The following RGS21 variants were observed in gnomAD, a reference collection of about 807,000 sequenced individuals.
The protein encoded by RGS21 is regulator of G protein signaling 21.
RGS21 carries 19 observed loss-of-function variants against 18.7 expected under a neutral mutation model. That is an observed-to-expected ratio of 1.01 (90% CI 0.71 to 1.49). The LOEUF (loss-of-function observed/expected upper bound fraction) is 1.49. Ranked by LOEUF, RGS21 falls within the 40% of genes most tolerant of loss-of-function variation. The pLI is 0.00. For missense variants in RGS21, 194 were observed against 176.8 expected, an observed-to-expected ratio of 1.10 and a Z score of -0.55; for synonymous variants, 56 against 57.8, an observed-to-expected ratio of 0.97 and a Z score of 0.14.
At chr1:192,333,200 G>A (rs565616357) in intron 1 of RGS21, among the ~76,000 whole-genome samples, 3 of 151,642 alleles carry the variant, frequency 2.0e-5, no homozygotes, top group African/African-American at 7.3e-5. Context: ...CAGAAACAGT[G>A]CACCTCTCAT....
At chr1:192,340,372 G>A (rs1012152724) in intron 1 of RGS21, among the ~76,000 whole-genome samples, 6 of 152,098 alleles carry the variant, frequency 3.9e-5, no homozygotes, top group African/African-American at 1.4e-4. Context: ...TGTGAGATAG[G>A]TATTATCAAT....
intron 1 of RGS21, among the ~76,000 whole-genome samples, chr1:192,326,817 A>T (rs1196858020): frequency 1.3e-5 from 2 of 152,164 alleles, no homozygotes; most frequent in African/African-American, 2.4e-5. Flanking sequence ...GAAGGACATA[A>T]ATTGTACTAA....
At chr1:192,362,658 A>C (rs1451873344) in intron 4 of RGS21, among the ~76,000 whole-genome samples, 1 of 152,178 alleles carries the variant, frequency 6.6e-6, no homozygotes, top group Non-Finnish European at 1.5e-5. Context: ...CCTGCTCATC[A>C]CTTAGCTACC....
chr1:192,323,100 T>C (rs1283552490), intron 1 of RGS21, among the ~76,000 whole-genome samples: 1 of 152,152 alleles, frequency 6.6e-6, no homozygotes, highest in Non-Finnish European at 1.5e-5. Flanking sequence ...AAAAGAGACT[T>C]CATTGTATTG....
chr1:192,331,159 C>T (rs938975865), intron 1 of RGS21, among the ~76,000 whole-genome samples: 3 of 152,126 alleles, frequency 2.0e-5, no homozygotes, highest in Non-Finnish European at 4.4e-5. Flanking sequence ...TAATGTCCGG[C>T]TGTATGCAGC....
At chr1:192,322,352 A>G (rs528873143) in intron 1 of RGS21, among the ~76,000 whole-genome samples, 53 of 152,208 alleles carry the variant, frequency 3.5e-4, no homozygotes, top group Non-Finnish European at 1.5e-5. Context: ...CCAGACCAAC[A>G]GGCCCATCAA....
intron 4 of RGS21, among the ~76,000 whole-genome samples, chr1:192,361,699 C>T (rs965886594): frequency 6.6e-6 from 1 of 152,060 alleles, no homozygotes; most frequent in African/African-American, 2.4e-5. Flanking sequence ...ATACCCACCA[C>T]CACGCCTGGC....
intron 4 of RGS21, among the ~76,000 whole-genome samples, chr1:192,358,432 A>G (rs1204495164): frequency 6.6e-6 from 1 of 152,050 alleles, no homozygotes; most frequent in Non-Finnish European, 1.5e-5. Context: ...GCTTTTAATG[A>G]TGCCAAAATG....
At chr1:192,355,499 TA>T (rs1659097885) in intron 4 of RGS21, among the ~76,000 whole-genome samples, 1 of 151,436 alleles carries the variant, frequency 6.6e-6, no homozygotes, top group Non-Finnish European at 1.5e-5. Context: ...GCTCATTGAG[TA>T]AATTTTACCT....
chr1:192,352,224 T>C lies in RGS21; in HGVS notation c.255+11T>C, dbSNP rs1659053124. ...GATGCACCTAAAGAGGTGAGTGAAC[T>C]ACTTCAGAACAGTGAAGAGTCATCC... On this transcript the variant is annotated intron_variant, in intron 4 of 4. Coordinates refer to ENST00000417209, the MANE Select transcript of RGS21 (RefSeq NM_001039152.3). The C allele has an allele frequency of 1.3e-6, 2 of 1,592,904 alleles. No individual in the cohort carries two copies. Among genetic ancestry groups the C allele is most frequent in the East Asian group, 4.5e-5 (2 of 44,326 alleles).
At position 192,353,005 on chromosome 1, in the gene RGS21, A is replaced by G. The variant is rs141277619; in HGVS notation, c.255+792A>G. 6.6e-3 allele frequency among the ~76,000 whole-genome samples: 999 copies of G among 152,118 alleles called. 10 individuals carry two copies. Among genetic ancestry groups the G allele is most frequent in the African/African-American group, 0.022 (919 of 41,556 alleles). ...AGCGTTAATGTATAAGTAACCTACA[A>G]ACAGGAAGCTCCATTAAACTACTAG... On this transcript the variant is annotated intron_variant, in intron 4 of 4. Coordinates refer to ENST00000417209, the MANE Select transcript of RGS21 (RefSeq NM_001039152.3).
intron 1 of RGS21, among the ~76,000 whole-genome samples, chr1:192,327,104 G>A (rs1305437703): frequency 6.6e-6 from 1 of 152,048 alleles, no homozygotes; most frequent in Non-Finnish European, 1.5e-5. Context: ...CTCTTTCAAT[G>A]TGCATCGAAT....
chr1:192,343,481 C>T (rs1571456766), intron 2 of RGS21, among the ~76,000 whole-genome samples: 1 of 152,198 alleles, frequency 6.6e-6, no homozygotes, highest in African/African-American at 2.4e-5. Context: ...CAGCACACTG[C>T]TAATTGAGTG....
intron 3 of RGS21, among the ~76,000 whole-genome samples, chr1:192,347,901 C>T (rs1658978006): frequency 6.6e-6 from 1 of 151,978 alleles, no homozygotes; most frequent in African/African-American, 2.4e-5. Flanking sequence ...CTCAGGTGAT[C>T]CACCCACCTC....
chr1:192,325,437 G>A (rs144245878), intron 1 of RGS21, among the ~76,000 whole-genome samples: 52 of 152,088 alleles, frequency 3.4e-4, no homozygotes, highest in African/African-American at 1.3e-3. Flanking sequence ...TGTCTTTTCG[G>A]TAGAACAATA....
chr1:192,356,185 C>T (rs765099110), intron 4 of RGS21, among the ~76,000 whole-genome samples: 1 of 151,790 alleles, frequency 6.6e-6, no homozygotes, highest in African/African-American at 2.4e-5. Context: ...TGTTTGGCTT[C>T]TTACTTTTAT....
intron 1 of RGS21, among the ~76,000 whole-genome samples, chr1:192,335,353 A>G (rs181174482): frequency 3.9e-5 from 6 of 152,348 alleles, no homozygotes; most frequent in Non-Finnish European, 7.4e-5. Flanking sequence ...CTTTAAAGCT[A>G]GTATGCAGTG....
chr1:192,363,596 A>ATGTGT, intron 4 of RGS21, among the ~76,000 whole-genome samples: 1 of 152,136 alleles, frequency 6.6e-6, no homozygotes, highest in African/African-American at 2.4e-5. Flanking sequence ...GTATATGTTC[A>ATGTGT]TTATATAAGT....
intron 4 of RGS21, among the ~76,000 whole-genome samples, chr1:192,359,721 CAG>C (rs1166783042): frequency 2.8e-5 from 4 of 143,540 alleles, no homozygotes; most frequent in African/African-American, 1.0e-4. Context: ...TTTAATATTT[CAG>C]AGTTATATAT....
Sources: gnomAD v4.1 joint callset for allele counts (sites outside exome capture counted in the v4.1 genomes callset) on GRCh38, gnomAD v4.1.1 for gene constraint, MANE v1.5 for transcripts, NCBI Gene and HGNC (gene_info 2026-07-23, HGNC 2026-07-21) for gene names.